CLMP: variants seen among roughly 807,000 people sequenced by gnomAD.
CLMP encodes CXADR like cell adhesion molecule.
A neutral mutation model predicts 45.2 loss-of-function variants in CLMP; 27 were observed. The observed-to-expected ratio is 0.60, with a 90% CI of 0.44 to 0.82. CLMP has a LOEUF of 0.82. Among genes scored for constraint, CLMP ranks in the 40% least tolerant of loss-of-function variants. The pLI, the probability that CLMP is intolerant of heterozygous loss-of-function variation, is 0.00. For synonymous variants in CLMP, 167 were observed against 171.4 expected, an observed-to-expected ratio of 0.97 and a Z score of 0.20; for missense variants, 403 against 448.4, an observed-to-expected ratio of 0.90 and a Z score of 0.91.
In CLMP at chr11:123,083,145, G is replaced by C; in HGVS notation, c.619C>G (p.Gln207Glu). 1.2e-6 allele frequency: 2 copies of C among 1,614,052 alleles called. No individual in the cohort carries two copies. Among genetic ancestry groups the C allele is most frequent in the Non-Finnish European group, 1.7e-6 (2 of 1,179,932 alleles). ...NLTMSYSGLY[Q>E]CTAGNEAGKE... Reference sequence around the variant, plus strand: ...CCAGCTTCGTTGCCTGCTGTGCACTGGTACAGTCCAGAGTAGGACATGGTA... The same window carrying C: ...CCAGCTTCGTTGCCTGCTGTGCACTCGTACAGTCCAGAGTAGGACATGGTA... The change falls in exon 5 of 7, where the codon CAG (glutamine) becomes GAG (glutamate). Residue 207 changes from glutamine (Q) to glutamate (E), a missense_variant. By Grantham distance (29) the Gln-to-Glu change is conservative. Transcript: ENST00000448775.
At chr11:123,135,360 A>G (rs146093930) in intron 1 of CLMP, among the ~76,000 whole-genome samples, 3 of 151,796 alleles carry the variant, frequency 2.0e-5, no homozygotes, top group African/African-American at 7.2e-5. Context: ...ACCCTGATTT[A>G]TAGAGCCTGT....
At chr11:123,103,163 T>G (rs553866288) in intron 1 of CLMP, among the ~76,000 whole-genome samples, 1 of 152,140 alleles carries the variant, frequency 6.6e-6, no homozygotes, top group Non-Finnish European at 1.5e-5. Flanking sequence ...AGCTTTAGAA[T>G]AGCTGGGAAA....
intron 1 of CLMP, among the ~76,000 whole-genome samples, chr11:123,104,291 G>C (rs1262947160): frequency 1.3e-5 from 2 of 150,270 alleles, no homozygotes; most frequent in African/African-American, 2.5e-5. Context: ...ATGTTGACCA[G>C]GCTGGTCTCA....
chr11:123,138,714 C>G (rs1207203950), intron 1 of CLMP, among the ~76,000 whole-genome samples: 1 of 151,200 alleles, frequency 6.6e-6, no homozygotes, highest in African/African-American at 2.4e-5. Flanking sequence ...AGTGCGATGG[C>G]ACGATCTCAG....
intron 1 of CLMP, among the ~76,000 whole-genome samples, chr11:123,119,950 C>G (rs148340394): frequency 0.023 from 3,442 of 152,226 alleles, 138 homozygotes; most frequent in African/African-American, 0.078. Context: ...GCCTCCCAAA[C>G]TGCTGGAATT....
intron 1 of CLMP, among the ~76,000 whole-genome samples, chr11:123,157,557 A>G (rs1861431005): frequency 6.6e-6 from 1 of 151,936 alleles, no homozygotes. Flanking sequence ...CTGTCTCAAC[A>G]AAACCCCCAA....
At chr11:123,152,555 TAAATA>T (rs1398251479) in intron 1 of CLMP, among the ~76,000 whole-genome samples, 1 of 145,502 alleles carries the variant, frequency 6.9e-6, no homozygotes, top group African/African-American at 2.8e-5. Flanking sequence ...AATAAATAAA[TAAATA>T]AATAAAAAAT....
intron 1 of CLMP, among the ~76,000 whole-genome samples, chr11:123,132,322 G>A (rs577160027): frequency 2.6e-5 from 4 of 152,264 alleles, no homozygotes; most frequent in African/African-American, 4.8e-5. Context: ...TGTCAAATAC[G>A]GAAAGCTATT....
At chr11:123,182,475 T>C (rs540396679) in intron 1 of CLMP, among the ~76,000 whole-genome samples, 50 of 152,330 alleles carry the variant, frequency 3.3e-4, no homozygotes, top group African/African-American at 1.2e-3. Flanking sequence ...GAGACCTAGA[T>C]TCAGAGCCAG....
chr11:123,152,429 A>G (rs1453928113), intron 1 of CLMP, among the ~76,000 whole-genome samples: 1 of 152,104 alleles, frequency 6.6e-6, no homozygotes, highest in Non-Finnish European at 1.5e-5. Flanking sequence ...AGGCTGAGGC[A>G]GGAGAATCAC....
intron 1 of CLMP, among the ~76,000 whole-genome samples, chr11:123,165,189 T>C (rs1303280074): frequency 6.6e-6 from 1 of 152,192 alleles, no homozygotes; most frequent in Non-Finnish European, 1.5e-5. Flanking sequence ...AGCTGCCCTC[T>C]GATGACAAGG....
At chr11:123,128,061 C>T (rs1370432734) in intron 1 of CLMP, among the ~76,000 whole-genome samples, 1 of 140,848 alleles carries the variant, frequency 7.1e-6, no homozygotes, top group Non-Finnish European at 1.5e-5. Context: ...AAAGGTAATA[C>T]ATCAGACCAA....
intron 1 of CLMP, among the ~76,000 whole-genome samples, chr11:123,106,414 T>C (rs1481850305): frequency 7.8e-6 from 1 of 129,016 alleles, no homozygotes; most frequent in African/African-American, 3.1e-5. Context: ...TGTGTGTGTG[T>C]GTGTGTGTGT....
At chr11:123,086,914 C>T (rs1865870859) in intron 2 of CLMP, among the ~76,000 whole-genome samples, 1 of 152,250 alleles carries the variant, frequency 6.6e-6, no homozygotes, top group South Asian at 2.1e-4. Flanking sequence ...AAAAATGTAA[C>T]TGGGTGCGGT....
At chr11:123,098,082 G>C (rs1332502254) in intron 1 of CLMP, 130 bp from the exon 2 acceptor site, 1 of 640,612 alleles carries the variant, frequency 1.6e-6, no homozygotes, top group African/African-American at 1.8e-5. Context: ...AAGAGTCCTA[G>C]ACCAGGTGTA....
intron 1 of CLMP, among the ~76,000 whole-genome samples, chr11:123,157,722 CAA>C (rs869197042): frequency 0.015 from 1,097 of 71,154 alleles, 8 homozygotes; most frequent in African/African-American, 0.05. Flanking sequence ...GAGTGAAACT[CAA>C]AAAAAAAAAA....
At position 123,136,445 on chromosome 11, in the gene CLMP, C is replaced by T. The variant is rs536373871; in HGVS notation, c.29-38493G>A. On this transcript the variant is annotated intron_variant, in intron 1 of 6. Transcript: ENST00000448775. ...CCCACCCCGCCCTCCTTGTCCCCCC[C>T]CACCCCACCCTCCTCTCCCTGGCGC... 5.8e-3 allele frequency: 2,410 copies of T among 416,800 alleles called. 21 individuals are homozygous for T. Among genetic ancestry groups the T allele is most frequent in the Middle Eastern group, 0.013 (18 of 1,404 alleles). 25.8% of individuals were successfully genotyped at this position (416,800 alleles called of 1,614,324 possible).
intron 1 of CLMP, 162 bp from the exon 2 acceptor site, chr11:123,098,114 T>C: frequency 2.2e-6 from 1 of 462,278 alleles, no homozygotes; most frequent in Non-Finnish European, 3.7e-6. Flanking sequence ...GGTCTCACAC[T>C]GGCTCCTCCG....
chr11:123,167,540 C>T (rs1387181291), intron 1 of CLMP, among the ~76,000 whole-genome samples: 10 of 149,918 alleles, frequency 6.7e-5, no homozygotes, highest in Non-Finnish European at 1.5e-5. Flanking sequence ...CTGCCTTGGC[C>T]TCCCAAAGTG....
Sources: gnomAD v4.1 joint callset for allele counts (sites outside exome capture counted in the v4.1 genomes callset) on GRCh38, gnomAD v4.1.1 for gene constraint, MANE v1.5 for transcripts, NCBI Gene and HGNC (gene_info 2026-07-23, HGNC 2026-07-21) for gene names.